Variants in PCDHGA4 observed in about 807,000 individuals in gnomAD.
PCDHGA4 encodes protocadherin gamma subfamily A, 4.
Under a neutral mutation model 54.6 loss-of-function variants are expected in PCDHGA4, and 38 were observed. The ratio of observed to expected loss-of-function variants is 0.70; its 90% CI spans 0.54 to 0.91. The LOEUF (loss-of-function observed/expected upper bound fraction) is 0.91, where lower values mean the gene tolerates loss of function less well. Among genes scored for constraint, PCDHGA4 ranks in the 40% least tolerant of loss-of-function variants. PCDHGA4 has a pLI of 0.00. For synonymous variants in PCDHGA4, 511 were observed against 512.9 expected (o/e 1.00, Z 0.05); for missense variants, 1,298 against 1,220.9 (o/e 1.06, Z -0.94).
At chr5:141,450,770 AG>A (rs1354382498) in intron 1 of PCDHGA4, among the ~76,000 whole-genome samples, 1 of 151,448 alleles carries the variant, frequency 6.6e-6, no homozygotes, top group Non-Finnish European at 1.5e-5. Context: ...TACAGGCATG[AG>A]CCACCGTGCC....
chr5:141,375,960 TGC>T (rs1772099160), intron 1 of PCDHGA4: 2 of 1,613,220 alleles, frequency 1.2e-6, no homozygotes, highest in South Asian at 2.2e-5. Flanking sequence ...ACGGGCGAGG[TGC>T]GCACGGCGCG....
chr5:141,410,844 TTTGTC>T, intron 1 of PCDHGA4: 1 of 422,400 alleles, frequency 2.4e-6, no homozygotes, highest in Non-Finnish European at 3.9e-6. Context: ...ATATTTTGTC[TTTGTC>T]TTTTTTTTTT....
chr5:141,438,714 G>A (rs1051491309), intron 1 of PCDHGA4, among the ~76,000 whole-genome samples: 1 of 147,786 alleles, frequency 6.8e-6, no homozygotes, highest in South Asian at 2.2e-4. Flanking sequence ...AGGCTGGAGT[G>A]CAAGTGGTGT....
intron 1 of PCDHGA4, among the ~76,000 whole-genome samples, chr5:141,436,896 A>C (rs567359498): frequency 6.6e-6 from 1 of 152,368 alleles, no homozygotes; most frequent in East Asian, 1.9e-4. Context: ...AAAGATTTTT[A>C]TATGAGACAA....
intron 2 of PCDHGA4, among the ~76,000 whole-genome samples, chr5:141,503,222 G>A (rs540244346): frequency 2.2e-4 from 34 of 152,120 alleles, no homozygotes; most frequent in African/African-American, 7.7e-4. Context: ...CATGAGCACC[G>A]TAAAGATGGA....
At position 141,404,906 on chromosome 5, in the gene PCDHGA4, C is replaced by A. The variant is rs776779922; in HGVS notation, c.2514+47285C>A. 1 of 1,613,864 alleles carries A rather than the reference C, an allele frequency of 6.2e-7. No homozygotes were observed. The highest frequency in any genetic ancestry group is 8.5e-7 in the Non-Finnish European group (1 of 1,179,858). ...GGTGGCTGTACAGGACCATGGCCAGCCCCCTCTCTCGGCCACTGTCACGCT... is the reference window on the plus strand; with the variant it reads ...GGTGGCTGTACAGGACCATGGCCAGACCCCTCTCTCGGCCACTGTCACGCT... On this transcript the variant is annotated intron_variant, in intron 1 of 3. Transcript: ENST00000571252.
intron 1 of PCDHGA4, chr5:141,419,929 T>C: frequency 6.2e-7 from 1 of 1,614,076 alleles, no homozygotes; most frequent in Non-Finnish European, 8.5e-7. Context: ...AGATGCAGTT[T>C]TACCTGGTGG....
At chr5:141,401,485 G>A (rs2094160307) in intron 1 of PCDHGA4, among the ~76,000 whole-genome samples, 2 of 152,152 alleles carry the variant, frequency 1.3e-5, no homozygotes, top group Admixed American at 6.5e-5. Context: ...AGGTTTTCTT[G>A]GATGCAAAAT....
chr5:141,430,433 T>C (rs1371764261), intron 1 of PCDHGA4, among the ~76,000 whole-genome samples: 2 of 151,080 alleles, frequency 1.3e-5, no homozygotes, highest in Admixed American at 6.6e-5. Context: ...ATACGGTAGA[T>C]TTCCATCCCC....
chr5:141,430,967 G>A lies in PCDHGA4; in HGVS notation c.2515-63840G>A, dbSNP rs746992307. 5 of 1,613,256 alleles carry A rather than the reference G, an allele frequency of 3.1e-6. No individual in the cohort carries two copies. In the East Asian group the frequency reaches 6.7e-5, roughly 22 times the overall value. On this transcript the variant is annotated intron_variant, in intron 1 of 3. Coordinates refer to ENST00000571252, the MANE Select transcript of PCDHGA4 (RefSeq NM_018917.4). ...GCGCGGAGTCCGCATCATCCCCAGA[G>A]GTAGGACGCAGCTTTTCGCCCTGAA... is the stretch of plus-strand genomic sequence containing the variant.
In PCDHGA4 at chr5:141,493,233, G is replaced by T. The variant is rs1335823475; in HGVS notation, c.2515-1574G>T. ...TTTGCTCTTCCCACCATTGCTGTTG[G>T]CTAGGTACTAACATGCCTCTCTTAT... is the stretch of plus-strand genomic sequence containing the variant. On this transcript the variant is annotated intron_variant, in intron 1 of 3. Coordinates refer to ENST00000571252, the MANE Select transcript of PCDHGA4 (RefSeq NM_018917.4). This position sits in a 1 kb window ranked among gnomAD's most constrained non-coding sequence, Gnocchi z 4.3. 6.6e-6 allele frequency among the ~76,000 whole-genome samples: 1 copy of T among 152,172 alleles called. No homozygotes were observed. The highest frequency in any genetic ancestry group is 2.1e-4 in the South Asian group (1 of 4,828).
At chr5:141,464,407 A>G (rs996561936) in intron 1 of PCDHGA4, among the ~76,000 whole-genome samples, 1 of 151,544 alleles carries the variant, frequency 6.6e-6, no homozygotes, top group Non-Finnish European at 1.5e-5. Flanking sequence ...CCTGAGATAT[A>G]TATATATCTA....
chr5:141,449,424 T>C (rs2098638345), intron 1 of PCDHGA4, among the ~76,000 whole-genome samples: 1 of 151,674 alleles, frequency 6.6e-6, no homozygotes, highest in Admixed American at 6.6e-5. Context: ...CTGGCCAACA[T>C]GATAAAACTC....
At position 141,364,301 on chromosome 5, in the gene PCDHGA4, A is replaced by G. The variant is rs377380787; in HGVS notation, c.2514+6680A>G. ...TAAGGAAACAGCAGGCTGAACCAGAACTAAGAGAAAATTGGGCAGAGAGAA... is the reference window on the plus strand; with the variant it reads ...TAAGGAAACAGCAGGCTGAACCAGAGCTAAGAGAAAATTGGGCAGAGAGAA... On this transcript the variant is annotated intron_variant, in intron 1 of 3. Coordinates refer to ENST00000571252, the MANE Select transcript of PCDHGA4 (RefSeq NM_018917.4). 5 of 1,521,982 alleles carry G rather than the reference A, an allele frequency of 3.3e-6. No homozygotes were observed. In the African/African-American group the frequency reaches 5.6e-5, roughly 17 times the overall value. The allele number at this position is 1,521,982 out of a possible 1,614,324, so 94.3% of individuals were successfully genotyped here. A position where few individuals can be genotyped will look rare whatever the true frequency, so the allele number is the denominator to read the frequency against.
chr5:141,371,009 G>A, intron 1 of PCDHGA4: 1 of 1,614,004 alleles, frequency 6.2e-7, no homozygotes, highest in East Asian at 2.2e-5. Context: ...GGGAAGAGCA[G>A]CCACATCACC....
At chr5:141,470,173 A>G (rs527296791) in intron 1 of PCDHGA4, among the ~76,000 whole-genome samples, 1 of 152,342 alleles carries the variant, frequency 6.6e-6, no homozygotes, top group South Asian at 2.1e-4. Context: ...AAGTATGCAA[A>G]ATATTCAAGT....
At chr5:141,447,947 A>G (rs2098555998) in intron 1 of PCDHGA4, among the ~76,000 whole-genome samples, 1 of 151,958 alleles carries the variant, frequency 6.6e-6, no homozygotes, top group South Asian at 2.1e-4. Flanking sequence ...TTAGCTGGGC[A>G]TGGTGGCGGA....
chr5:141,423,058 A>T (rs1235938743), intron 1 of PCDHGA4: 1 of 1,614,022 alleles, frequency 6.2e-7, no homozygotes, highest in Non-Finnish European at 8.5e-7. Context: ...TCGCCTGCTT[A>T]AGGCCAGCGA....
At chr5:141,438,621 TATATATATATATATACAC>T (rs1369797568) in intron 1 of PCDHGA4, among the ~76,000 whole-genome samples, 6 of 41,386 alleles carry the variant, frequency 1.4e-4, no homozygotes, top group South Asian at 9.0e-4. Context: ...TATATATATA[TATATATATATATATACAC>T]ACACACACAC....
Sources: allele counts gnomAD v4.1 joint callset (sites outside exome capture counted in the v4.1 genomes callset), GRCh38; gene constraint gnomAD v4.1.1; non-coding constraint Gnocchi (gnomAD v3.1); transcripts MANE v1.5; gene names NCBI Gene and HGNC (gene_info 2026-07-23, HGNC 2026-07-21).